Variants in NR3C2 observed in about 807,000 individuals in gnomAD.
NR3C2 encodes the protein mineralocorticoid receptor.
In NR3C2, 15 loss-of-function variants were observed where a neutral mutation model predicts 86.4. The observed-to-expected ratio is 0.17, with a 90% CI of 0.12 to 0.27. The LOEUF is 0.27. NR3C2 is among the 10% of genes least tolerant of loss of function. The pLI is 1.00. For synonymous variants in NR3C2, 458 were observed against 450.5 expected (o/e 1.02, Z -0.21); for missense variants, 960 against 1,195.6 (o/e 0.80, Z 2.91).
chr4:148,408,293 A>C (rs984355830), intron 2 of NR3C2, among the ~76,000 whole-genome samples: 11 of 152,200 alleles, frequency 7.2e-5, no homozygotes, highest in Non-Finnish European at 1.6e-4. Flanking sequence ...ATAATTAATT[A>C]TATTGATCAG....
At chr4:148,388,577 C>T (rs1213038439) in intron 2 of NR3C2, among the ~76,000 whole-genome samples, 1 of 152,154 alleles carries the variant, frequency 6.6e-6, no homozygotes, top group Non-Finnish European at 1.5e-5. Context: ...CTATATCAAC[C>T]ATTTAACAAT....
chr4:148,262,640 G>C (rs767146896), intron 2 of NR3C2, among the ~76,000 whole-genome samples: 9 of 152,088 alleles, frequency 5.9e-5, no homozygotes, highest in Non-Finnish European at 2.9e-5. Flanking sequence ...CATTATTTGG[G>C]ATTAGGGTTG....
intron 6 of NR3C2, chr4:148,146,613 T>C (rs1016737150): frequency 2.5e-4 from 38 of 152,392 alleles, no homozygotes; most frequent in African/African-American, 7.0e-4. Flanking sequence ...ACTCGTCTAA[T>C]GGAGCTGCCC....
Position 148,091,130 on chromosome 4 carries a change from A to G in NR3C2, c.2800-9631T>C, listed in dbSNP as rs562910406. 7.9e-5 allele frequency among the ~76,000 whole-genome samples: 12 copies of G among 152,344 alleles called. No homozygotes were observed. In the South Asian group the frequency reaches 1.9e-3, roughly 24 times the overall value. Reference sequence around the variant, plus strand: ...GCGGCCACAGAAGCCCATCTGGCGCACCCTGCCCTGGGACAAGGCTGAAAA... The same window carrying G: ...GCGGCCACAGAAGCCCATCTGGCGCGCCCTGCCCTGGGACAAGGCTGAAAA... On this transcript the variant is annotated intron_variant, in intron 8 of 8. Transcript: ENST00000358102.
At chr4:148,379,208 G>A (rs1204856841) in intron 2 of NR3C2, among the ~76,000 whole-genome samples, 1 of 151,390 alleles carries the variant, frequency 6.6e-6, no homozygotes, top group Non-Finnish European at 1.5e-5. Context: ...ATATTCTTAA[G>A]ATAATTTTTT....
rs373888833 is a variant in NR3C2 at position 148,355,865 on chromosome 4, T to C, written c.1757+79239A>G. Among the ~76,000 whole-genome samples the C allele has an allele frequency of 7.2e-5, 11 of 152,322 alleles. No individual in the cohort carries two copies. In the East Asian group the frequency reaches 1.9e-3, roughly 27 times the overall value. On this transcript the variant is annotated intron_variant, in intron 2 of 8. Coordinates refer to ENST00000358102, the MANE Select transcript of NR3C2 (RefSeq NM_000901.5). ...AGTTTCGGTTTTGTAGAACACATCCTGGACCTGCTACCTGACCCTGGCCAA... is the reference window on the plus strand; with the variant it reads ...AGTTTCGGTTTTGTAGAACACATCCCGGACCTGCTACCTGACCCTGGCCAA...
At chr4:148,238,557 G>A (rs372704163) in intron 3 of NR3C2, among the ~76,000 whole-genome samples, 122 of 152,112 alleles carry the variant, frequency 8.0e-4, no homozygotes, top group African/African-American at 2.7e-3. Flanking sequence ...AAGATAAGAA[G>A]TTTCCATGTT....
rs139764381 is a variant in NR3C2 at position 148,382,986 on chromosome 4, G to A, written c.1757+52118C>T. ...GCCTCAATTTCATCAGAGAAACCAC[G>A]GAAAATAAAATCCAGTTTGCAACGA... On this transcript the variant is annotated intron_variant, in intron 2 of 8. Transcript: ENST00000358102. 1.4e-3 allele frequency among the ~76,000 whole-genome samples: 211 copies of A among 151,968 alleles called. 1 individual carries two copies. The highest frequency in any genetic ancestry group is 1.6e-3 in the Non-Finnish European group (111 of 67,950).
chr4:148,238,216 G>T (rs908104133), intron 3 of NR3C2, among the ~76,000 whole-genome samples: 1 of 152,076 alleles, frequency 6.6e-6, no homozygotes, highest in South Asian at 2.1e-4. Flanking sequence ...ATTTATCTAT[G>T]GTATTTGTTT....
chr4:148,104,342 G>GTTTTTTTTTTTTTTTT (rs57175085), intron 8 of NR3C2, among the ~76,000 whole-genome samples: 2 of 63,794 alleles, frequency 3.1e-5, no homozygotes, highest in Non-Finnish European at 6.5e-5. Context: ...TTTTGGTTTG[G>GTTTTTTTTTTTTTTTT]TTTTTTTTTT....
chr4:148,129,089 G>C (rs1043377215), intron 6 of NR3C2, among the ~76,000 whole-genome samples: 3 of 152,184 alleles, frequency 2.0e-5, no homozygotes, highest in Non-Finnish European at 2.9e-5. Context: ...GTTCATAGCA[G>C]CATTATTCAC....
At chr4:148,389,875 A>C (rs572838735) in intron 2 of NR3C2, among the ~76,000 whole-genome samples, 10 of 152,324 alleles carry the variant, frequency 6.6e-5, no homozygotes, top group African/African-American at 2.2e-4. Context: ...GAATTGTGAG[A>C]TCAAAATTCT....
At chr4:148,171,150 G>A (rs571561396) in intron 4 of NR3C2, among the ~76,000 whole-genome samples, 2 of 152,236 alleles carry the variant, frequency 1.3e-5, no homozygotes, top group Non-Finnish European at 2.9e-5. Context: ...CTGTGTTGCT[G>A]CTACTGGTCC....
chr4:148,367,678 C>A (rs1746216106), intron 2 of NR3C2, among the ~76,000 whole-genome samples: 1 of 152,026 alleles, frequency 6.6e-6, no homozygotes, highest in African/African-American at 2.4e-5. Context: ...TAATATACCT[C>A]CTAAATATAG....
intron 2 of NR3C2, among the ~76,000 whole-genome samples, chr4:148,384,633 T>C (rs1225892029): frequency 1.3e-5 from 2 of 152,242 alleles, no homozygotes; most frequent in Admixed American, 1.3e-4. Context: ...CAGGTTCTTC[T>C]TGTTCTATTT....
chr4:148,174,853 T>G (rs1735298012), intron 4 of NR3C2, among the ~76,000 whole-genome samples: 1 of 152,200 alleles, frequency 6.6e-6, no homozygotes, highest in Non-Finnish European at 1.5e-5. Context: ...GTGCTTGTCC[T>G]CTCCAACGAT....
chr4:148,104,475 T>C (rs899802780), intron 8 of NR3C2, among the ~76,000 whole-genome samples: 12 of 151,740 alleles, frequency 7.9e-5, no homozygotes, highest in African/African-American at 2.9e-4. Context: ...TTCTTAGTCA[T>C]GGCCTTGTCA....
At chr4:148,385,909 C>G in intron 2 of NR3C2, among the ~76,000 whole-genome samples, 1 of 152,186 alleles carries the variant, frequency 6.6e-6, no homozygotes, top group East Asian at 1.9e-4. Context: ...CCTTGAGTTA[C>G]TTTCAGGCAC....
At chr4:148,444,931 C>T (rs771058715), upstream of NR3C2, 15 of 984,908 alleles carry the variant, frequency 1.5e-5, no homozygotes, top group Non-Finnish European at 1.8e-5. Flanking sequence ...TCCCCGGGCC[C>T]TGGGTGGCCG....
Sources: gnomAD v4.1 joint callset for allele counts (sites outside exome capture counted in the v4.1 genomes callset) on GRCh38, gnomAD v4.1.1 for gene constraint, MANE v1.5 for transcripts, NCBI Gene and HGNC (gene_info 2026-07-23, HGNC 2026-07-21) for gene names.